The following ZNF35 variants were observed in gnomAD, a reference collection of about 807,000 sequenced individuals.
ZNF35 encodes zinc finger protein 35 (clone HF.10).
ZNF35 carries 31 observed loss-of-function variants against 45.9 expected under a neutral mutation model. The ratio of observed to expected loss-of-function variants is 0.68; its 90% CI spans 0.51 to 0.91. The LOEUF is 0.91. Among genes scored for constraint, ZNF35 ranks in the 40% least tolerant of loss-of-function variants. The pLI is 0.00. For missense variants in ZNF35, 515 were observed against 625.4 expected (o/e 0.82, Z 1.88); for synonymous variants, 205 against 220.2 (o/e 0.93, Z 0.61).
In ZNF35 at chr3:44,659,853, C is replaced by G; in HGVS notation, c.1490C>G (p.Thr497Ser). The G allele has an allele frequency of 1.2e-6, 2 of 1,613,602 alleles. No homozygotes were observed. The highest frequency in any genetic ancestry group is 1.7e-6 in the Non-Finnish European group (2 of 1,179,676). Residue 497 changes from threonine (T) to serine (S), a missense_variant, in exon 4 of 4, where the codon ACT (threonine) becomes AGT (serine). Physicochemically the swap from Thr to Ser is moderately conservative, Grantham distance 58 (BLOSUM62 1). Around this residue, in one of 3 missense-constraint regions of ZNF35, gnomAD observed 232 missense variants for 304.6 expected, o/e 0.76. Coordinates refer to ENST00000396056, the MANE Select transcript of ZNF35 (RefSeq NM_003420.4). This position sits in a 1 kb window ranked among gnomAD's most constrained non-coding sequence, Gnocchi z 4.3. ...SSLTVHQRTH[T>S]GEKPYECEKC... ...CTCACCGTGCACCAGAGAACCCACACTGGGGAGAAGCCCTATGAATGTGAG... is the reference window on the plus strand; with the variant it reads ...CTCACCGTGCACCAGAGAACCCACAGTGGGGAGAAGCCCTATGAATGTGAG...
chr3:44,660,168 C>T lies in ZNF35; in HGVS notation c.*221C>T, dbSNP rs1703376212. 1 of 425,192 alleles carries T rather than the reference C, an allele frequency of 2.4e-6. No homozygotes were observed. Among genetic ancestry groups the T allele is most frequent in the Non-Finnish European group, 4.1e-6 (1 of 244,564 alleles). The allele number at this position is 425,192 out of a possible 1,614,324, so 26.3% of individuals were successfully genotyped here. On this transcript the variant is annotated 3_prime_UTR_variant, in exon 4 of 4. Coordinates refer to ENST00000396056, the MANE Select transcript of ZNF35 (RefSeq NM_003420.4). ...GGCAAGGACTTTGTTTTAACTGTACCTTAAGCGGTCATGTTCTCTGAAGTG... is the reference window on the plus strand; with the variant it reads ...GGCAAGGACTTTGTTTTAACTGTACTTTAAGCGGTCATGTTCTCTGAAGTG...
intron 3 of ZNF35, among the ~76,000 whole-genome samples, chr3:44,655,364 A>G (rs1319445920): frequency 1.3e-5 from 2 of 152,054 alleles, no homozygotes; most frequent in Non-Finnish European, 2.9e-5. Flanking sequence ...CTTATCTCAG[A>G]ATACAGTCAC....
chr3:44,658,911 A>G lies in ZNF35; in HGVS notation c.548A>G (p.His183Arg). The G allele has an allele frequency of 6.2e-7, 1 of 1,613,480 alleles. No individual in the cohort carries two copies. ...DFRQVIVNDC[H>R]LPESFKEEEN... is the part of the protein sequence containing the mutation. Reference sequence around the variant, plus strand: ...AGACAAGTGATAGTGAATGACTGTCACTTACCTGAAAGCTTCAAAGAAGAG... The same window carrying G: ...AGACAAGTGATAGTGAATGACTGTCGCTTACCTGAAAGCTTCAAAGAAGAG... Residue 183 changes from histidine to arginine, a missense_variant, in exon 4 of 4, where the codon CAC becomes CGC. Transcript: ENST00000396056.
intron 3 of ZNF35, 118 bp downstream of exon 3, chr3:44,652,819 G>A (rs1703228651): frequency 9.1e-7 from 1 of 1,094,370 alleles, no homozygotes; most frequent in Non-Finnish European, 1.2e-6. Flanking sequence ...TATTGAAAGT[G>A]TCCAGGAAAG....
chr3:44,651,312 A>G, intron 2 of ZNF35, 53 bp downstream of exon 2: 1 of 1,556,342 alleles, frequency 6.4e-7, no homozygotes, highest in Non-Finnish European at 8.7e-7. Flanking sequence ...GACCTCAAGT[A>G]GTTTAAGAGG....
chr3:44,654,108 C>G (rs1326490325), intron 3 of ZNF35, among the ~76,000 whole-genome samples: 1 of 152,226 alleles, frequency 6.6e-6, no homozygotes, highest in Non-Finnish European at 1.5e-5. Context: ...TTTTCTGTCT[C>G]TGAGCTTTAT....
intron 3 of ZNF35, among the ~76,000 whole-genome samples, chr3:44,655,525 CTTAAT>C (rs1226424379): frequency 2.0e-5 from 3 of 151,890 alleles, no homozygotes; most frequent in Non-Finnish European, 2.9e-5. Flanking sequence ...TATTTCTGTA[CTTAAT>C]TTAATTTCTC....
In ZNF35 at chr3:44,659,953, AAGGAAG is replaced by A; in HGVS notation, c.*14_*19del. 3.3e-6 allele frequency: 5 copies of A among 1,530,256 alleles called. No individual in the cohort carries two copies. Among genetic ancestry groups the A allele is most frequent in the Non-Finnish European group, 4.4e-6 (5 of 1,139,592 alleles). 94.8% of individuals were successfully genotyped at this position (1,530,256 alleles called of 1,614,324 possible). ...GAACCCATCTTGTTGAATAACAAGT[AAGGAAG>A]AGGAAGACCTCCAGCATTGGTCATA... On this transcript the variant is annotated 3_prime_UTR_variant, in exon 4 of 4. Transcript: ENST00000396056. This position sits in a 1 kb window ranked among gnomAD's most constrained non-coding sequence, Gnocchi z 4.3.
At position 44,651,032 on chromosome 3, in the gene ZNF35, G is replaced by A. The variant is rs770127627; in HGVS notation, c.-36G>A. On this transcript the variant is annotated 5_prime_UTR_variant, in exon 2 of 4. Transcript: ENST00000396056. ...TGGGGTTTGACCTCTGCAGGGCAGC[G>A]CCCAGCTATAGGAGTTCCCCTGCTG... 5.6e-6 allele frequency: 9 copies of A among 1,597,958 alleles called. No homozygotes were observed. The highest frequency in any genetic ancestry group is 5.6e-5 in the South Asian group (5 of 89,460).
At chr3:44,656,707 T>C (rs1703314537) in intron 3 of ZNF35, among the ~76,000 whole-genome samples, 1 of 150,226 alleles carries the variant, frequency 6.7e-6, no homozygotes, top group East Asian at 2.0e-4. Context: ...TTTTTTTCTT[T>C]GAGATAGAGT....
chr3:44,656,687 C>CTTT (rs530605241), intron 3 of ZNF35, among the ~76,000 whole-genome samples: 3 of 134,862 alleles, frequency 2.2e-5, no homozygotes, highest in Admixed American at 1.5e-4. Flanking sequence ...CTGCACCCGG[C>CTTT]TTTTTTTTTT....
At chr3:44,647,461 G>C (rs1290100845), upstream of ZNF35, 1 of 152,122 alleles carries the variant, frequency 6.6e-6, no homozygotes, top group Non-Finnish European at 1.5e-5. Context: ...ATTTATCCCA[G>C]AGAAATGAAA....
chr3:44,646,855 G>A (rs181951052), upstream of ZNF35: 9 of 259,866 alleles, frequency 3.5e-5, no homozygotes, highest in East Asian at 8.8e-5. Flanking sequence ...AGGAGGGATC[G>A]CCTTTTCAGC....
intron 3 of ZNF35, 139 bp downstream of exon 3, chr3:44,652,840 G>A: frequency 2.2e-6 from 2 of 912,112 alleles, no homozygotes; most frequent in Non-Finnish European, 3.1e-6. Flanking sequence ...CTGGAAAGAG[G>A]AATGCTGAAA....
At chr3:44,650,722 CATT>C (rs1239003908) in intron 1 of ZNF35, among the ~76,000 whole-genome samples, 1 of 152,118 alleles carries the variant, frequency 6.6e-6, no homozygotes, top group Non-Finnish European at 1.5e-5. Flanking sequence ...AATCAATAAA[CATT>C]ATATAAAGCT....
Position 44,659,252 on chromosome 3 carries a change from C to CA in ZNF35, c.895dup (p.Ile299AsnfsTer9), listed in dbSNP as rs779352334. On this transcript the variant is annotated frameshift_variant, in exon 4 of 4. Coordinates refer to ENST00000396056, the MANE Select transcript of ZNF35 (RefSeq NM_003420.4). LOFTEE classifies it high-confidence loss of function. The surrounding 1 kb of genome is among the most constrained non-coding windows in gnomAD (Gnocchi z 4.3). ...TCAGAGTTCAAATCTGACTGTACAT[C>CA]AAAAAATCCACTCCTTAGAAAAAAC... 3.1e-6 allele frequency: 5 copies of CA among 1,613,232 alleles called. No homozygotes were observed. The African/African-American group carries it at 5.3e-5, about 17-fold the overall frequency.
chr3:44,650,637 C>T (rs1330506625), intron 1 of ZNF35, among the ~76,000 whole-genome samples: 13 of 151,852 alleles, frequency 8.6e-5, no homozygotes, highest in Admixed American at 5.9e-4. Context: ...GGAGGTAGAC[C>T]GAGATGATTT....
At chr3:44,648,521 G>A (rs1197347446), upstream of ZNF35, 4 of 152,148 alleles carry the variant, frequency 2.6e-5, no homozygotes, top group Admixed American at 6.5e-5. Context: ...TCTTGGGTGC[G>A]CGCCTCGCCT....
chr3:44,649,713 C>CA (rs1019607540), intron 1 of ZNF35, among the ~76,000 whole-genome samples: 1,445 of 142,578 alleles, frequency 0.01, 22 homozygotes, highest in African/African-American at 0.028. Flanking sequence ...AATAATTCAG[C>CA]AAAAAAAAAA....
Sources: allele counts gnomAD v4.1 joint callset (sites outside exome capture counted in the v4.1 genomes callset), GRCh38; gene constraint gnomAD v4.1.1; regional missense constraint gnomAD v4.1.1; non-coding constraint Gnocchi (gnomAD v3.1); transcripts MANE v1.5; gene names NCBI Gene and HGNC (gene_info 2026-07-23, HGNC 2026-07-21).